Variants in GRIP1 observed in about 807,000 individuals in gnomAD.
GRIP1 encodes glutamate receptor-interacting protein 1.
GRIP1 carries 45 observed loss-of-function variants against 129.9 expected under a neutral mutation model. That is an observed-to-expected ratio of 0.35 (90% CI 0.27 to 0.44). GRIP1 has a LOEUF of 0.44. Ranked by LOEUF, GRIP1 falls within the 20% of genes least tolerant of loss-of-function variation. GRIP1 has a pLI of 1.00. For missense variants in GRIP1, 1,196 were observed against 1,396.8 expected, an observed-to-expected ratio of 0.86 and a Z score of 2.29; for synonymous variants, 530 against 520.8, an observed-to-expected ratio of 1.02 and a Z score of -0.24.
upstream of GRIP1, chr12:66,679,260 G>C (rs2034483641): frequency 6.6e-6 from 4 of 608,644 alleles, no homozygotes; most frequent in South Asian, 9.2e-5. Flanking sequence ...ACTGAACAGT[G>C]CATTCTGTTT....
chr12:66,492,264 T>G (rs1180431864), intron 7 of GRIP1, among the ~76,000 whole-genome samples: 2 of 152,168 alleles, frequency 1.3e-5, no homozygotes, highest in East Asian at 3.8e-4. Flanking sequence ...CCAATTTACT[T>G]GGAAGTTGCC....
chr12:66,485,403 A>AAT (rs536988532), intron 7 of GRIP1, among the ~76,000 whole-genome samples: 14 of 150,998 alleles, frequency 9.3e-5, no homozygotes, highest in Middle Eastern at 3.4e-3. Flanking sequence ...GTGAAAATTA[A>AAT]ATATATATAT....
At chr12:66,656,571 A>G (rs919317651) in intron 1 of GRIP1, among the ~76,000 whole-genome samples, 2 of 152,156 alleles carry the variant, frequency 1.3e-5, no homozygotes, top group African/African-American at 4.8e-5. Flanking sequence ...ATGGTACGGC[A>G]TATTTCACTG....
intron 15 of GRIP1, among the ~76,000 whole-genome samples, chr12:66,407,035 C>G (rs375937312): frequency 1.3e-5 from 2 of 151,750 alleles, no homozygotes; most frequent in South Asian, 2.1e-4. Flanking sequence ...CATAATGAAA[C>G]AACAAAAAAA....
intron 1 of GRIP1, among the ~76,000 whole-genome samples, chr12:67,005,780 G>T (rs1334987012): frequency 6.6e-6 from 1 of 152,208 alleles, no homozygotes; most frequent in Non-Finnish European, 1.5e-5. Flanking sequence ...CACACAAAAA[G>T]ATTATCCATC....
intron 13 of GRIP1, among the ~76,000 whole-genome samples, chr12:66,438,846 C>T (rs1397181463): frequency 1.3e-5 from 2 of 152,132 alleles, no homozygotes; most frequent in African/African-American, 4.8e-5. Flanking sequence ...CCAAGCAATA[C>T]ATTGGGTGCT....
intron 1 of GRIP1, among the ~76,000 whole-genome samples, chr12:66,872,548 G>A (rs2040313597): frequency 6.6e-6 from 1 of 151,992 alleles, no homozygotes; most frequent in Non-Finnish European, 1.5e-5. Flanking sequence ...ATTCCAGGAA[G>A]CCAGGGATTC....
intron 4 of GRIP1, among the ~76,000 whole-genome samples, chr12:66,534,581 C>T (rs954921876): frequency 6.6e-6 from 1 of 152,108 alleles, no homozygotes; most frequent in Non-Finnish European, 1.5e-5. Flanking sequence ...CCTCGTGTAC[C>T]TCATTGGCCT....
chr12:66,892,859 T>G (rs2040684887), intron 1 of GRIP1, among the ~76,000 whole-genome samples: 1 of 152,132 alleles, frequency 6.6e-6, no homozygotes, highest in Non-Finnish European at 1.5e-5. Flanking sequence ...CTGAGCTACT[T>G]GGGAGGCTGA....
chr12:66,716,632 G>A (rs1442620781), intron 1 of GRIP1, among the ~76,000 whole-genome samples: 1 of 151,842 alleles, frequency 6.6e-6, no homozygotes, highest in Non-Finnish European at 1.5e-5. Flanking sequence ...CATGGGTTAA[G>A]AATACAGACA....
intron 1 of GRIP1, among the ~76,000 whole-genome samples, chr12:66,988,399 G>A (rs2042345898): frequency 6.6e-6 from 1 of 151,142 alleles, no homozygotes; most frequent in Non-Finnish European, 1.5e-5. Flanking sequence ...TTTTTTTTTA[G>A]ATGGAAATTT....
At chr12:66,933,816 T>A (rs1318024633) in intron 1 of GRIP1, among the ~76,000 whole-genome samples, 1 of 152,210 alleles carries the variant, frequency 6.6e-6, no homozygotes, top group African/African-American at 2.4e-5. Context: ...CTAAGCAGCC[T>A]CTATTCTGCA....
intron 1 of GRIP1, among the ~76,000 whole-genome samples, chr12:66,693,742 C>A (rs2035059068): frequency 6.6e-6 from 1 of 152,112 alleles, no homozygotes; most frequent in Non-Finnish European, 1.5e-5. Context: ...TATTCATGGA[C>A]AAGAAAATTC....
intron 15 of GRIP1, among the ~76,000 whole-genome samples, chr12:66,414,000 G>A (rs1410289713): frequency 6.6e-6 from 1 of 151,992 alleles, no homozygotes; most frequent in Non-Finnish European, 1.5e-5. Flanking sequence ...CATACCGAAT[G>A]GGCAAAAGCT....
chr12:66,488,136 A>C (rs909495186), intron 7 of GRIP1, among the ~76,000 whole-genome samples: 18 of 152,186 alleles, frequency 1.2e-4, no homozygotes, highest in African/African-American at 3.6e-4. Context: ...GACCTGATAG[A>C]TATCTACAGA....
intron 1 of GRIP1, among the ~76,000 whole-genome samples, chr12:66,949,760 CTT>C (rs781123585): frequency 2.0e-3 from 167 of 85,440 alleles, no homozygotes; most frequent in African/African-American, 6.6e-3. Flanking sequence ...CATGCTCCTC[CTT>C]TTTTTTTTTT....
At chr12:66,373,239 G>A (rs1257758020) in intron 22 of GRIP1, among the ~76,000 whole-genome samples, 3 of 152,074 alleles carry the variant, frequency 2.0e-5, no homozygotes, top group African/African-American at 4.8e-5. Context: ...ACAGGCATGC[G>A]CCACCATGCT....
intron 1 of GRIP1, among the ~76,000 whole-genome samples, chr12:66,778,159 C>T (rs537720971): frequency 1.3e-5 from 2 of 152,214 alleles, no homozygotes; most frequent in African/African-American, 2.4e-5. Flanking sequence ...TTTCTTTTGG[C>T]ATTTTAAAAG....
chr12:66,616,966 G>A (rs747656517), intron 1 of GRIP1, among the ~76,000 whole-genome samples: 4 of 151,964 alleles, frequency 2.6e-5, no homozygotes, highest in Non-Finnish European at 5.9e-5. Context: ...CAAGGGCCTC[G>A]GGCGTGCAGA....
Sources: gnomAD v4.1 joint callset for allele counts (sites outside exome capture counted in the v4.1 genomes callset) on GRCh38, gnomAD v4.1.1 for gene constraint, MANE v1.5 for transcripts, NCBI Gene and HGNC (gene_info 2026-07-23, HGNC 2026-07-21) for gene names.